VPS16: variants seen among roughly 807,000 people sequenced by gnomAD.
VPS16 encodes the protein vacuolar protein sorting-associated protein 16 homolog.
In VPS16, 82 loss-of-function variants were observed where a neutral mutation model predicts 116.0. The observed-to-expected ratio is 0.71, with a 90% CI of 0.59 to 0.85. The LOEUF is 0.85. Ranked by LOEUF, VPS16 falls within the 40% of genes least tolerant of loss-of-function variation. The pLI is 0.00. For synonymous variants in VPS16, 406 were observed against 420.7 expected (o/e 0.96, Z 0.43); for missense variants, 928 against 1,090.6 (o/e 0.85, Z 2.10).
At position 2,865,230 on chromosome 20, in the gene VPS16, T is replaced by C. The variant is rs773772907; in HGVS notation, c.2087T>C (p.Leu696Pro). The C allele has an allele frequency of 1.2e-6, 2 of 1,614,194 alleles. No individual in the cohort carries two copies. Among genetic ancestry groups the C allele is most frequent in the Admixed American group, 3.3e-5 (2 of 60,028 alleles). The change falls in exon 21 of 24, where the codon CTA becomes CCA. Residue 696 changes from leucine (L) to proline (P), a missense_variant. Coordinates refer to ENST00000380445, the MANE Select transcript of VPS16 (RefSeq NM_022575.4). This position sits in a 1 kb window ranked among gnomAD's most constrained non-coding sequence, Gnocchi z 5.2. ...ELGGQFLDLS[L>P]HDTVTTLILG... ...GGGGGCCAGTTCCTAGACCTGTCTC[T>C]ACATGACACAGTTACCACCCTCATT...
Position 2,860,284 on chromosome 20 carries a change from G to A in VPS16, c.286G>A (p.Glu96Lys), listed in dbSNP as rs200835160. The A allele has an allele frequency of 4.3e-4, 691 of 1,614,004 alleles. No homozygotes were observed. Among genetic ancestry groups the A allele is most frequent in the Non-Finnish European group, 5.6e-4 (656 of 1,180,018 alleles). Residue 96 changes from glutamate to lysine, a missense_variant, in exon 4 of 24, where the codon GAG becomes AAG. Coordinates refer to ENST00000380445, the MANE Select transcript of VPS16 (RefSeq NM_022575.4). This position sits in a 1 kb window ranked among gnomAD's most constrained non-coding sequence, Gnocchi z 6.1. ...GTCCCTGGGCTGGTCAGCTGAGGAG[G>A]AGCTGCTCTGTGTGCAGGAAGATGG... Reference protein sequence around the residue: ...VVSLGWSAEEELLCVQEDGAV... With the variant: ...VVSLGWSAEEKLLCVQEDGAV...
rs777121972 is a variant in VPS16, at chr20:2,864,953, C to T, written c.1927-25C>T. The T allele has an allele frequency of 1.9e-6, 3 of 1,613,986 alleles. No individual in the cohort carries two copies. The highest frequency in any genetic ancestry group is 2.5e-6 in the Non-Finnish European group (3 of 1,179,918). ...GCGAGGGTCCTGCATGCTGTGAGTT[C>T]AGGCCTTCCTTCTTGTCTTTATAGC... On this transcript the variant is annotated intron_variant, in intron 19 of 23. Transcript: ENST00000380445. This position sits in a 1 kb window ranked among gnomAD's most constrained non-coding sequence, Gnocchi z 5.2.
At chr20:2,853,888 G>A (rs373385105) in intron 1 of VPS16, among the ~76,000 whole-genome samples, 12 of 151,986 alleles carry the variant, frequency 7.9e-5, no homozygotes, top group African/African-American at 2.9e-4. Flanking sequence ...GGCCAGGCTG[G>A]TCTTGAACTC....
At position 2,862,857 on chromosome 20, in the gene VPS16, C is replaced by T. The variant is rs368671330; in HGVS notation, c.1254C>T (p.Phe418=). The change falls in exon 13 of 24, where the codon TTC becomes TTT. Residue 418 remains phenylalanine, a synonymous_variant. Transcript: ENST00000380445. ...CFLDRFPPDS[F]VHMCQDLRVL... ...TGGACAGATTTCCACCCGACAGCTTCGTGCACATGTGTCAGGACCTGCGTG... is the reference window on the plus strand; with the variant it reads ...TGGACAGATTTCCACCCGACAGCTTTGTGCACATGTGTCAGGACCTGCGTG... The T allele has an allele frequency of 1.4e-4, 221 of 1,613,996 alleles. No individual in the cohort carries two copies. The highest frequency in any genetic ancestry group is 1.7e-4 in the Non-Finnish European group (204 of 1,180,030).
At chr20:2,862,759 G>GT in intron 12 of VPS16, 48 bp from the exon 13 acceptor site, 1 of 777,188 alleles carries the variant, frequency 1.3e-6, no homozygotes, top group Non-Finnish European at 2.1e-6. Flanking sequence ...GAGGGGGTGG[G>GT]ATGGGCAGCA....
rs955683745 is a variant in VPS16, at chr20:2,840,774, C to T, written c.-1C>T. The T allele has an allele frequency of 3.9e-6, 6 of 1,548,474 alleles. No homozygotes were observed. The African/African-American group carries it at 4.1e-5, about 11-fold the overall frequency. On this transcript the variant is annotated 5_prime_UTR_variant, in exon 1 of 24. Transcript: ENST00000380445. ...CTTCCCAGCTGCCGTCTGCACCAGC[C>T]ATGGACTGCTACACGGCGAACTGGA...
intron 8 of VPS16, 77 bp from the exon 9 acceptor site, chr20:2,861,538 A>G (rs374813081): frequency 2.8e-5 from 42 of 1,505,782 alleles, no homozygotes; most frequent in Middle Eastern, 3.6e-4. Context: ...CTGTCCCGAG[A>G]CAAAGGATTA....
Position 2,865,931 on chromosome 20 carries a change from G to A in VPS16, c.2272-281G>A. ...AACACAGGAAATGTGAGGGCTGGTG[G>A]CAGGAACGCCTGTTGCAAGGGGTAA... On this transcript the variant is annotated intron_variant, in intron 22 of 23. Coordinates refer to ENST00000380445, the MANE Select transcript of VPS16 (RefSeq NM_022575.4). The surrounding 1 kb of genome is among the most constrained non-coding windows in gnomAD (Gnocchi z 5.2). 2.0e-6 allele frequency: 1 copy of A among 501,428 alleles called. No individual in the cohort carries two copies. The highest frequency in any genetic ancestry group is 3.6e-6 in the Non-Finnish European group (1 of 277,426). 31.1% of individuals were successfully genotyped at this position (501,428 alleles called of 1,614,324 possible). A position where few individuals can be genotyped will look rare whatever the true frequency, so the allele number is the denominator to read the frequency against.
At position 2,854,737 on chromosome 20, in the gene VPS16, G is replaced by A. The variant is rs767195933; in HGVS notation, c.54-4982G>A. Among the ~76,000 whole-genome samples the A allele has an allele frequency of 2.1e-3, 311 of 148,902 alleles. 2 individuals carry two copies. Among genetic ancestry groups the A allele is most frequent in the Admixed American group, 3.2e-3 (48 of 14,852 alleles). On this transcript the variant is annotated intron_variant, in intron 1 of 23. Coordinates refer to ENST00000380445, the MANE Select transcript of VPS16 (RefSeq NM_022575.4). ...CTTGAACCCGGGAGGTGGAGGTTGC[G>A]TTGAGCTGAGATTGCACCATTGCAC...
rs1397370856 is a variant in VPS16, at chr20:2,866,056, C to T, written c.2272-156C>T. Reference sequence around the variant, plus strand: ...TGCCCTAAGAATGTTGAGATCACAACTGTCTGTGCATGGGGGTTGGGGGAT... The same window carrying T: ...TGCCCTAAGAATGTTGAGATCACAATTGTCTGTGCATGGGGGTTGGGGGAT... On this transcript the variant is annotated intron_variant, in intron 22 of 23. Coordinates refer to ENST00000380445, the MANE Select transcript of VPS16 (RefSeq NM_022575.4). The T allele has an allele frequency of 7.4e-6, 5 of 676,374 alleles. No homozygotes were observed. The Admixed American group carries it at 7.4e-5, about 10-fold the overall frequency. 41.9% of individuals were successfully genotyped at this position (676,374 alleles called of 1,614,324 possible).
At chr20:2,846,946 A>G (rs886937295) in intron 1 of VPS16, among the ~76,000 whole-genome samples, 4 of 152,154 alleles carry the variant, frequency 2.6e-5, no homozygotes, top group Non-Finnish European at 5.9e-5. Flanking sequence ...CACTTCTGGG[A>G]CGTAGGAGTG....
chr20:2,859,668 A>C (rs1485733963), intron 1 of VPS16, 51 bp from the exon 2 acceptor site: 1 of 1,592,034 alleles, frequency 6.3e-7, no homozygotes, highest in African/African-American at 1.3e-5. Context: ...GGTTCACTCC[A>C]TACGGATGCA....
chr20:2,861,780 T>C, intron 9 of VPS16, 25 bp from the exon 10 acceptor site: 2 of 1,613,104 alleles, frequency 1.2e-6, no homozygotes, highest in Non-Finnish European at 1.7e-6. Context: ...CTGTAGGTGC[T>C]CTTAGGAGCC....
At chr20:2,854,886 A>G (rs1197752003) in intron 1 of VPS16, among the ~76,000 whole-genome samples, 2 of 141,132 alleles carry the variant, frequency 1.4e-5, no homozygotes, top group Non-Finnish European at 3.0e-5. Flanking sequence ...TAGAAGGCAT[A>G]AAGACAACAT....
intron 1 of VPS16, among the ~76,000 whole-genome samples, chr20:2,851,439 TCTCTA>T (rs1338192386): frequency 6.6e-6 from 1 of 151,884 alleles, no homozygotes; most frequent in African/African-American, 2.4e-5. Flanking sequence ...AGAAACCCCG[TCTCTA>T]CTAACGATAC....
chr20:2,857,875 TA>T (rs2089189433), intron 1 of VPS16, among the ~76,000 whole-genome samples: 1 of 151,356 alleles, frequency 6.6e-6, no homozygotes, highest in Non-Finnish European at 1.5e-5. Flanking sequence ...CACGCCTGGC[TA>T]ATTTTTGTAT....
At chr20:2,861,342 T>C in intron 8 of VPS16, 62 bp downstream of exon 8, 1 of 1,609,682 alleles carries the variant, frequency 6.2e-7, no homozygotes, top group Non-Finnish European at 8.5e-7. Flanking sequence ...CCTGGGACAA[T>C]CAGTTCCTTG....
Position 2,865,077 on chromosome 20 carries a change from G to A in VPS16, c.2004+22G>A. The A allele has an allele frequency of 6.2e-7, 1 of 1,614,182 alleles. No individual in the cohort carries two copies. Among genetic ancestry groups the A allele is most frequent in the Non-Finnish European group, 8.5e-7 (1 of 1,180,034 alleles). The stretch of plus-strand genomic sequence containing the variant: ...CAAGGTTTGGCCCACCTTTTTCCAA[G>A]AGCCTCCTCGTCTCCTGGTCTTCCC... On this transcript the variant is annotated intron_variant, in intron 20 of 23. Transcript: ENST00000380445. This position sits in a 1 kb window ranked among gnomAD's most constrained non-coding sequence, Gnocchi z 5.2.
Position 2,866,263 on chromosome 20 carries a change from T to G in VPS16, c.2323T>G (p.Tyr775Asp). 1.9e-6 allele frequency: 3 copies of G among 1,614,050 alleles called. No homozygotes were observed. The highest frequency in any genetic ancestry group is 2.5e-6 in the Non-Finnish European group (3 of 1,180,006). ...KQHNKYEAKKYASRVGPEQKV... is the reference protein window; with the variant it reads ...KQHNKYEAKKDASRVGPEQKV... ...ACATAACAAATACGAAGCCAAGAAGTATGCTTCCCGCGTGGGTCCCGAGCA... is the reference window on the plus strand; with the variant it reads ...ACATAACAAATACGAAGCCAAGAAGGATGCTTCCCGCGTGGGTCCCGAGCA... Residue 775 changes from tyrosine to aspartate, a missense_variant, in exon 23 of 24, where the codon TAT becomes GAT. Transcript: ENST00000380445.
Sources: allele counts gnomAD v4.1 joint callset (sites outside exome capture counted in the v4.1 genomes callset), GRCh38; gene constraint gnomAD v4.1.1; non-coding constraint Gnocchi (gnomAD v3.1); transcripts MANE v1.5; gene names NCBI Gene and HGNC (gene_info 2026-07-23, HGNC 2026-07-21).